MMP27: variants seen among roughly 807,000 people sequenced by gnomAD.
The protein encoded by MMP27 is matrix metalloproteinase-27.
Under a neutral mutation model 48.1 loss-of-function variants are expected in MMP27, and 51 were observed. The ratio of observed to expected loss-of-function variants is 1.06; its 90% CI spans 0.85 to 1.34. MMP27 has a LOEUF of 1.34. MMP27 is among the 40% of genes most tolerant of loss of function. The pLI is 0.00. For missense variants in MMP27, 698 were observed against 619.3 expected (o/e 1.13, Z -1.35); for synonymous variants, 229 against 208.9 (o/e 1.10, Z -0.83).
chr11:102,704,570 A>T lies in MMP27; in HGVS notation c.308T>A (p.Leu103His), dbSNP rs1391373962. 2 of 1,613,910 alleles carry T rather than the reference A, an allele frequency of 1.2e-6. No individual in the cohort carries two copies. The highest frequency in any genetic ancestry group is 2.7e-5 in the African/African-American group (2 of 74,932). Residue 103 changes from leucine (L) to histidine (H), a missense_variant, in exon 2 of 10, where the codon CTC (leucine) becomes CAC (histidine). Transcript: ENST00000260229. ...VPDVGQYGYT[L>H]PGWRKYNLTY... ...GAGGTTGTATTTTCTCCACCCAGGG[A>T]GGGTGTAGCCATACTGGCCCACATC... is the stretch of plus-strand genomic sequence containing the variant.
chr11:102,704,826 C>T (rs758964051), intron 1 of MMP27, 51 bp from the exon 2 acceptor site: 1 of 1,245,562 alleles, frequency 8.0e-7, no homozygotes, highest in Admixed American at 2.2e-5. Flanking sequence ...TACAGGAGAG[C>T]AAATCTCCAT....
rs74417532 is a variant in MMP27, at chr11:102,694,101, G to A, written c.1034-36C>T. 3.0e-3 allele frequency: 4,358 copies of A among 1,438,980 alleles called. 122 individuals are homozygous for A. The African/African-American group carries it at 0.057, about 19-fold the overall frequency. The allele number at this position is 1,438,980 out of a possible 1,614,324, so 89.1% of individuals were successfully genotyped here. A position where few individuals can be genotyped will look rare whatever the true frequency, so the allele number is the denominator to read the frequency against. On this transcript the variant is annotated intron_variant, in intron 7 of 9. Transcript: ENST00000260229. ...AGGAGTGATTATTTATTTTCTAGAG[G>A]GAGAAATAGGTATCTCAAGAAATTT...
chr11:102,696,935 T>A, intron 4 of MMP27, 100 bp from the exon 5 acceptor site: 1 of 1,262,608 alleles, frequency 7.9e-7, no homozygotes, highest in South Asian at 1.5e-5. Context: ...AATAAAGGCT[T>A]GCTATACAGC....
chr11:102,694,124 T>C, intron 7 of MMP27, 59 bp from the exon 8 acceptor site: 1 of 1,327,990 alleles, frequency 7.5e-7, no homozygotes, highest in South Asian at 1.7e-5. Flanking sequence ...TCTCAAGAAA[T>C]TTAAAAATCA....
At chr11:102,703,934 A>G (rs1286800346) in intron 2 of MMP27, among the ~76,000 whole-genome samples, 2 of 152,238 alleles carry the variant, frequency 1.3e-5, no homozygotes, top group Non-Finnish European at 2.9e-5. Context: ...CCTAGCACTC[A>G]GTAAGATGAA....
chr11:102,702,881 A>G lies in MMP27; in HGVS notation c.491T>C (p.Val164Ala), dbSNP rs780998317. 6.2e-7 allele frequency: 1 copy of G among 1,613,270 alleles called. No homozygotes were observed. The highest frequency in any genetic ancestry group is 2.2e-5 in the East Asian group (1 of 44,882). The part of the protein sequence containing the change: ...ADIMIAFRTR[V>A]HGRCPRYFDG... Reference sequence around the variant, plus strand: ...AAAATAGCGAGGACACCGACCATGGACTGAGATACAATTTATGCGAGGAAA... The same window carrying G: ...AAAATAGCGAGGACACCGACCATGGGCTGAGATACAATTTATGCGAGGAAA... Residue 164 changes from valine to alanine, a missense_variant and splice_region_variant, in exon 4 of 10, where the codon GTC becomes GCC. Val to Ala is a moderately conservative substitution (Grantham distance 64). Coordinates refer to ENST00000260229, the MANE Select transcript of MMP27 (RefSeq NM_022122.3).
chr11:102,694,902 C>A (rs1860794773), intron 7 of MMP27, 65 bp downstream of exon 7: 1 of 1,585,400 alleles, frequency 6.3e-7, no homozygotes, highest in South Asian at 1.1e-5. Context: ...TTTCTTACAC[C>A]AAAATATCCA....
At chr11:102,696,320 G>A in intron 6 of MMP27, 51 bp downstream of exon 6, 1 of 1,600,348 alleles carries the variant, frequency 6.2e-7, no homozygotes, top group Non-Finnish European at 8.5e-7. Flanking sequence ...CAAATCTCTT[G>A]AAAAGAAAAA....
intron 4 of MMP27, among the ~76,000 whole-genome samples, chr11:102,697,153 G>A (rs1307520707): frequency 6.6e-6 from 1 of 152,198 alleles, no homozygotes; most frequent in East Asian, 1.9e-4. Flanking sequence ...AACCTGTATT[G>A]CACGTTACTG....
chr11:102,696,663 A>G lies in MMP27; in HGVS notation c.781+11T>C, dbSNP rs1397866321. 8 of 1,595,836 alleles carry G rather than the reference A, an allele frequency of 5.0e-6. No homozygotes were observed. Among genetic ancestry groups the G allele is most frequent in the African/African-American group, 1.4e-5 (1 of 73,724 alleles). On this transcript the variant is annotated intron_variant, in intron 5 of 9. Transcript: ENST00000260229. ...TAGTTCACATATATTGAGATTTATA[A>G]TTTTGCTCACCATAGATGGACTGGA...
intron 4 of MMP27, among the ~76,000 whole-genome samples, chr11:102,699,845 T>C (rs1860905726): frequency 6.6e-6 from 1 of 152,246 alleles, no homozygotes; most frequent in Admixed American, 6.5e-5. Context: ...TCTACAATTC[T>C]ATTCCTTATG....
At chr11:102,698,190 A>G (rs545681778) in intron 4 of MMP27, among the ~76,000 whole-genome samples, 5 of 152,264 alleles carry the variant, frequency 3.3e-5, no homozygotes, top group African/African-American at 7.2e-5. Context: ...ACTTCACACA[A>G]TTGTATGTGC....
chr11:102,700,530 C>T (rs921117902), intron 4 of MMP27, among the ~76,000 whole-genome samples: 1 of 152,072 alleles, frequency 6.6e-6, no homozygotes, highest in African/African-American at 2.4e-5. Context: ...TTTATTTCAC[C>T]CTCCTAAAAG....
At chr11:102,694,882 G>C in intron 7 of MMP27, 85 bp downstream of exon 7, 1 of 1,525,676 alleles carries the variant, frequency 6.6e-7, no homozygotes, top group African/African-American at 1.4e-5. Flanking sequence ...GCTCATGCAT[G>C]AAGATTTTAT....
In MMP27 at chr11:102,692,098, C is replaced by T. The variant is rs144106155; in HGVS notation, c.1298-88G>A. ...ATTTTATAAACATGGAAAAAAATAA[C>T]ATTATGGAGAACGAAGAAATTTGTG... On this transcript the variant is annotated intron_variant, in intron 9 of 9. Coordinates refer to ENST00000260229, the MANE Select transcript of MMP27 (RefSeq NM_022122.3). 7.4e-4 allele frequency: 926 copies of T among 1,248,504 alleles called. 5 individuals are homozygous for T. In the African/African-American group the frequency reaches 0.012, roughly 17 times the overall value. The allele number at this position is 1,248,504 out of a possible 1,614,324, so 77.3% of individuals were successfully genotyped here. A position where few individuals can be genotyped will look rare whatever the true frequency, so the allele number is the denominator to read the frequency against.
chr11:102,700,287 T>A (rs1372678765), intron 4 of MMP27, among the ~76,000 whole-genome samples: 1 of 152,234 alleles, frequency 6.6e-6, no homozygotes, highest in African/African-American at 2.4e-5. Flanking sequence ...GACAAAAGTC[T>A]CTGTCTCATG....
chr11:102,704,030 C>T (rs980649633), intron 2 of MMP27, among the ~76,000 whole-genome samples: 97 of 152,180 alleles, frequency 6.4e-4, no homozygotes, highest in African/African-American at 2.2e-3. Context: ...CCTCTTCCTG[C>T]CAATGAGTCA....
At chr11:102,703,917 C>T (rs1172490037) in intron 2 of MMP27, among the ~76,000 whole-genome samples, 4 of 152,192 alleles carry the variant, frequency 2.6e-5, no homozygotes, top group African/African-American at 9.7e-5. Context: ...TCATTTTTAT[C>T]TCAAGTCCTA....
intron 9 of MMP27, 26 bp downstream of exon 9, chr11:102,692,912 C>T (rs1235828620): frequency 6.4e-7 from 1 of 1,558,210 alleles, no homozygotes; most frequent in East Asian, 2.3e-5. Flanking sequence ...CTCAAGTATC[C>T]CAATAAGTGA....
Sources: gnomAD v4.1 joint callset for allele counts (sites outside exome capture counted in the v4.1 genomes callset) on GRCh38, gnomAD v4.1.1 for gene constraint, MANE v1.5 for transcripts, NCBI Gene and HGNC (gene_info 2026-07-23, HGNC 2026-07-21) for gene names.